The following BORCS5 variants were observed in gnomAD, a reference collection of about 807,000 sequenced individuals.
BORCS5 encodes the protein BLOC-1-related complex subunit 5.
A neutral mutation model predicts 22.1 loss-of-function variants in BORCS5; 17 were observed. That is an observed-to-expected ratio of 0.77 (90% CI 0.53 to 1.15). The LOEUF is 1.15. Among genes scored for constraint, BORCS5 ranks in the 50% most tolerant of loss-of-function variants. The pLI, the probability that BORCS5 is intolerant of heterozygous loss-of-function variation, is 0.00. For synonymous variants in BORCS5, 117 were observed against 99.8 expected, an observed-to-expected ratio of 1.17 and a Z score of -1.03; for missense variants, 247 against 253.2, an observed-to-expected ratio of 0.98 and a Z score of 0.17.
At chr12:12,441,476 C>T (rs1213737528) in intron 3 of BORCS5, among the ~76,000 whole-genome samples, 1 of 152,134 alleles carries the variant, frequency 6.6e-6, no homozygotes, top group African/African-American at 2.4e-5. Context: ...CGTGAGGGTT[C>T]AATGAGTTAT....
intron 2 of BORCS5, among the ~76,000 whole-genome samples, chr12:12,363,212 G>A (rs552268286): frequency 9.2e-5 from 14 of 151,680 alleles, no homozygotes; most frequent in Non-Finnish European, 1.3e-4. Flanking sequence ...TAGAAGGATC[G>A]CTTGAGCCCA....
intron 2 of BORCS5, among the ~76,000 whole-genome samples, chr12:12,432,817 T>G (rs1942462108): frequency 2.6e-5 from 4 of 152,180 alleles, no homozygotes; most frequent in Admixed American, 2.6e-4. Flanking sequence ...TATAACACTT[T>G]TGAAAGGACA....
chr12:12,462,278 C>T, intron 3 of BORCS5, among the ~76,000 whole-genome samples: 1 of 152,190 alleles, frequency 6.6e-6, no homozygotes, highest in East Asian at 1.9e-4. Context: ...TCTTGTTATC[C>T]CCACTACCTT....
chr12:12,420,305 C>T (rs943405059), intron 2 of BORCS5, among the ~76,000 whole-genome samples: 8 of 152,134 alleles, frequency 5.3e-5, no homozygotes, highest in African/African-American at 1.7e-4. Context: ...AATAGGGAAT[C>T]CTTTCCCCAT....
At position 12,386,633 on chromosome 12, in the gene BORCS5, T is replaced by C. The variant is rs1040860849; in HGVS notation, c.202+25284T>C. On this transcript the variant is annotated intron_variant, in intron 2 of 3. Coordinates refer to ENST00000314565, the MANE Select transcript of BORCS5 (RefSeq NM_058169.6). ...GAGTAGCTGGACTACAGGCACGTGC[T>C]AGTTTTTTGTATTTTTCATAGAGAC... 2.7e-4 allele frequency among the ~76,000 whole-genome samples: 19 copies of C among 69,864 alleles called. 1 individual carries two copies. The highest frequency in any genetic ancestry group is 3.5e-4 in the African/African-American group (5 of 14,318). 45.8% of individuals were successfully genotyped at this position (69,864 alleles called of 152,430 possible). A position where few individuals can be genotyped will look rare whatever the true frequency, so the allele number is the denominator to read the frequency against.
intron 2 of BORCS5, among the ~76,000 whole-genome samples, chr12:12,408,313 C>A (rs1428782037): frequency 6.6e-6 from 1 of 152,152 alleles, no homozygotes; most frequent in Non-Finnish European, 1.5e-5. Flanking sequence ...TGGGTGCATA[C>A]CCAGAGGTGG....
chr12:12,427,628 G>C (rs1391841324), intron 2 of BORCS5, among the ~76,000 whole-genome samples: 1 of 152,156 alleles, frequency 6.6e-6, no homozygotes, highest in Non-Finnish European at 1.5e-5. Context: ...GGGTATCATA[G>C]TCAATTTGGG....
At position 12,357,165 on chromosome 12, in the gene BORCS5, A is replaced by T. The variant is rs541299718; in HGVS notation, c.-287A>T. On this transcript the variant is annotated 5_prime_UTR_variant, in exon 1 of 4. Coordinates refer to ENST00000314565, the MANE Select transcript of BORCS5 (RefSeq NM_058169.6). ...CGCCGGCCGCAGGTGCGGCAAAGCCAGTGTCATCTGCCGGTTCTCTTAGGG... is the reference window on the plus strand; with the variant it reads ...CGCCGGCCGCAGGTGCGGCAAAGCCTGTGTCATCTGCCGGTTCTCTTAGGG... 1.4e-4 allele frequency: 210 copies of T among 1,530,442 alleles called. No individual in the cohort carries two copies. In the African/African-American group the frequency reaches 2.5e-3, roughly 18 times the overall value. 94.8% of individuals were successfully genotyped at this position (1,530,442 alleles called of 1,614,324 possible).
At chr12:12,392,146 A>G (rs1348261129) in intron 2 of BORCS5, among the ~76,000 whole-genome samples, 2 of 151,970 alleles carry the variant, frequency 1.3e-5, no homozygotes, top group South Asian at 2.1e-4. Context: ...GCACACAGCA[A>G]TTATTTGTTG....
At chr12:12,403,954 A>G (rs1350420004) in intron 2 of BORCS5, among the ~76,000 whole-genome samples, 1 of 152,204 alleles carries the variant, frequency 6.6e-6, no homozygotes, top group Non-Finnish European at 1.5e-5. Context: ...GACCTTTGGT[A>G]TCACTTTTAT....
At chr12:12,450,079 T>C (rs115184738) in intron 3 of BORCS5, among the ~76,000 whole-genome samples, 3,411 of 152,328 alleles carry the variant, frequency 0.022, 132 homozygotes, top group African/African-American at 0.077. Context: ...TTATAATTCA[T>C]TGGGTAAAGC....
Position 12,357,164 on chromosome 12 carries a change from CAG to C in BORCS5, c.-287_-286del, listed in dbSNP as rs1863157247. 6.5e-7 allele frequency: 1 copy of C among 1,530,704 alleles called. No homozygotes were observed. The highest frequency in any genetic ancestry group is 2.0e-5 in the Admixed American group (1 of 50,262). 94.8% of individuals were successfully genotyped at this position (1,530,704 alleles called of 1,614,324 possible). On this transcript the variant is annotated 5_prime_UTR_variant, in exon 1 of 4. Transcript: ENST00000314565. ...CCGCCGGCCGCAGGTGCGGCAAAGCCAGTGTCATCTGCCGGTTCTCTTAGGGC... is the reference window on the plus strand; with the variant it reads ...CCGCCGGCCGCAGGTGCGGCAAAGCCTGTCATCTGCCGGTTCTCTTAGGGC...
At chr12:12,374,056 C>T (rs1347251380) in intron 2 of BORCS5, among the ~76,000 whole-genome samples, 3 of 138,898 alleles carry the variant, frequency 2.2e-5, no homozygotes, top group African/African-American at 8.7e-5. Context: ...GGTGCAATCT[C>T]GGCTCACTGC....
intron 3 of BORCS5, among the ~76,000 whole-genome samples, chr12:12,439,737 A>G (rs1181183899): frequency 1.3e-5 from 2 of 152,236 alleles, no homozygotes; most frequent in Non-Finnish European, 2.9e-5. Flanking sequence ...AGTACTGAGC[A>G]ATACCTCAGC....
chr12:12,409,254 G>A (rs1592096371), intron 2 of BORCS5, among the ~76,000 whole-genome samples: 1 of 151,718 alleles, frequency 6.6e-6, no homozygotes, highest in South Asian at 2.1e-4. Context: ...AAGTTTTAGG[G>A]TACATGTGCA....
At chr12:12,448,189 A>C (rs1306441016) in intron 3 of BORCS5, among the ~76,000 whole-genome samples, 1 of 151,798 alleles carries the variant, frequency 6.6e-6, no homozygotes, top group East Asian at 1.9e-4. Flanking sequence ...CTCTTTGTCC[A>C]TTGTCTTCAA....
intron 3 of BORCS5, among the ~76,000 whole-genome samples, chr12:12,445,577 T>C (rs2136138534): frequency 7.0e-6 from 1 of 142,818 alleles, no homozygotes; most frequent in East Asian, 2.2e-4. Context: ...AGGCTCCATC[T>C]TCAGAGATTC....
rs904637793 is a variant in BORCS5, at chr12:12,467,113, A to C, written c.*1337A>C. 9.2e-5 allele frequency: 14 copies of C among 152,112 alleles called. No individual in the cohort carries two copies. Among genetic ancestry groups the C allele is most frequent in the Admixed American group, 8.5e-4 (13 of 15,272 alleles). The allele number at this position is 152,112 out of a possible 1,614,324, so 9.4% of individuals were successfully genotyped here. A position where few individuals can be genotyped will look rare whatever the true frequency, so the allele number is the denominator to read the frequency against. ...CCAGCTAATTAAAAAAAATTAATTAATTTTACATTTTCAAATTCAAAAGAA... is the reference window on the plus strand; with the variant it reads ...CCAGCTAATTAAAAAAAATTAATTACTTTTACATTTTCAAATTCAAAAGAA... On this transcript the variant is annotated 3_prime_UTR_variant, in exon 4 of 4. Transcript: ENST00000314565.
chr12:12,443,825 A>G (rs1418567222), intron 3 of BORCS5, among the ~76,000 whole-genome samples: 18 of 152,116 alleles, frequency 1.2e-4, no homozygotes. Context: ...CAGCTTTCCC[A>G]GTGCCAGGTT....
Sources: allele counts gnomAD v4.1 joint callset (sites outside exome capture counted in the v4.1 genomes callset), GRCh38; gene constraint gnomAD v4.1.1; transcripts MANE v1.5; gene names NCBI Gene and HGNC (gene_info 2026-07-23, HGNC 2026-07-21).